Variants in SCAPER observed in about 807,000 individuals in gnomAD.
SCAPER encodes S phase cyclin A-associated protein in the endoplasmic reticulum.
A neutral mutation model predicts 182.2 loss-of-function variants in SCAPER; 98 were observed. The observed-to-expected ratio is 0.54, with a 90% CI of 0.46 to 0.64. SCAPER has a LOEUF of 0.64. SCAPER is among the 30% of genes least tolerant of loss of function. SCAPER has a pLI of 0.00. For synonymous variants in SCAPER, 605 were observed against 564.6 expected, an observed-to-expected ratio of 1.07 and a Z score of -1.01; for missense variants, 1,432 against 1,690.0, an observed-to-expected ratio of 0.85 and a Z score of 2.68.
rs111825602 is a variant in SCAPER, at chr15:76,399,038, AC to A, written c.3467+5485del. Among the ~76,000 whole-genome samples, 352 of 152,346 alleles carry A rather than the reference AC, an allele frequency of 2.3e-3. 4 individuals carry two copies. The highest frequency in any genetic ancestry group is 7.8e-3 in the African/African-American group (324 of 41,584). ...GGGACCCAATGAGCCTCAACCAATT[AC>A]AGCAATTGAGCTCCTGCCCTGAGAT... is the stretch of plus-strand genomic sequence containing the variant. On this transcript the variant is annotated intron_variant, in intron 27 of 31. Transcript: ENST00000563290.
chr15:76,414,457 C>A (rs1212515639), intron 26 of SCAPER, among the ~76,000 whole-genome samples: 1 of 151,602 alleles, frequency 6.6e-6, no homozygotes, highest in Non-Finnish European at 1.5e-5. Flanking sequence ...ATCTTGAATG[C>A]AGCTGGAGGA....
chr15:76,626,351 G>A (rs1032971314), intron 21 of SCAPER, among the ~76,000 whole-genome samples: 1 of 152,076 alleles, frequency 6.6e-6, no homozygotes, highest in African/African-American at 2.4e-5. Flanking sequence ...ATACAAAGAG[G>A]TATATACATA....
At chr15:76,734,048 TAC>T (rs1238485320) in intron 15 of SCAPER, among the ~76,000 whole-genome samples, 1 of 152,200 alleles carries the variant, frequency 6.6e-6, no homozygotes. Context: ...CTATACAAAT[TAC>T]ACAAACATTG....
intron 4 of SCAPER, chr15:76,855,863 G>A (rs915394753): frequency 2.0e-5 from 9 of 440,072 alleles, no homozygotes; most frequent in South Asian, 8.1e-5. Context: ...GAAGTATGGC[G>A]ATTCCTCAAA....
At chr15:76,666,916 A>G (rs780345149) in intron 20 of SCAPER, among the ~76,000 whole-genome samples, 2 of 152,148 alleles carry the variant, frequency 1.3e-5, no homozygotes, top group Non-Finnish European at 2.9e-5. Context: ...TCCTCCAAAT[A>G]TAAACTGGAT....
intron 23 of SCAPER, among the ~76,000 whole-genome samples, chr15:76,565,826 T>G (rs895873140): frequency 6.6e-6 from 1 of 152,178 alleles, no homozygotes; most frequent in African/African-American, 2.4e-5. Context: ...GAAAAACGTC[T>G]GAAAAACATC....
intron 21 of SCAPER, among the ~76,000 whole-genome samples, chr15:76,628,104 G>A (rs1477124608): frequency 1.3e-5 from 2 of 152,166 alleles, no homozygotes; most frequent in East Asian, 3.8e-4. Context: ...AGAAGTGTCT[G>A]TTCATGTCCT....
chr15:76,765,490 A>G, intron 12 of SCAPER, 36 bp from the exon 13 acceptor site: 1 of 1,609,952 alleles, frequency 6.2e-7, no homozygotes, highest in Non-Finnish European at 8.5e-7. Flanking sequence ...GTTTAGCCAC[A>G]TAGGTCTATA....
intron 27 of SCAPER, among the ~76,000 whole-genome samples, chr15:76,399,100 A>C (rs2044277364): frequency 6.6e-6 from 1 of 152,192 alleles, no homozygotes; most frequent in Non-Finnish European, 1.5e-5. Context: ...TTGTAGGACC[A>C]AGAATAGAAA....
At chr15:76,355,723 C>T (rs772368394) in intron 29 of SCAPER, among the ~76,000 whole-genome samples, 10 of 152,206 alleles carry the variant, frequency 6.6e-5, no homozygotes, top group Admixed American at 1.3e-4. Context: ...CAGCACAGAA[C>T]ATGAAGAGCT....
At position 76,407,190 on chromosome 15, in the gene SCAPER, T is replaced by C. The variant is rs75760364; in HGVS notation, c.3312-2511A>G. 9.5e-3 allele frequency among the ~76,000 whole-genome samples: 1,440 copies of C among 152,288 alleles called. 21 individuals are homozygous for C. Among genetic ancestry groups the C allele is most frequent in the African/African-American group, 0.033 (1,362 of 41,556 alleles). ...TAGAGTGTACTTACACAAACTTAGATAGTATAGCCTAACCTAGGCTATATG... is the reference window on the plus strand; with the variant it reads ...TAGAGTGTACTTACACAAACTTAGACAGTATAGCCTAACCTAGGCTATATG... On this transcript the variant is annotated intron_variant, in intron 26 of 31. Transcript: ENST00000563290.
At chr15:76,758,667 C>G (rs865816584) in intron 14 of SCAPER, among the ~76,000 whole-genome samples, 13 of 152,114 alleles carry the variant, frequency 8.5e-5, no homozygotes, top group African/African-American at 2.7e-4. Flanking sequence ...AATTGTAGAT[C>G]ACTTAAGGCT....
Position 76,418,195 on chromosome 15 carries a change from C to T in SCAPER, c.3312-13516G>A, listed in dbSNP as rs147588770. ...AGTACATTGGATAATACTAGAGGGG[C>T]AGCAAAATCCCTGTGGAACATTAAA... On this transcript the variant is annotated intron_variant, in intron 26 of 31. Coordinates refer to ENST00000563290, the MANE Select transcript of SCAPER (RefSeq NM_020843.4). Among the ~76,000 whole-genome samples the T allele has an allele frequency of 2.0e-3, 310 of 152,222 alleles. 4 individuals are homozygous for T. The highest frequency in any genetic ancestry group is 1.0e-4 in the Non-Finnish European group (7 of 68,020).
intron 23 of SCAPER, among the ~76,000 whole-genome samples, chr15:76,539,969 C>T (rs934210747): frequency 6.6e-6 from 1 of 152,116 alleles, no homozygotes. Flanking sequence ...GAAAACAATT[C>T]AAACAAATGT....
In SCAPER at chr15:76,857,671, T is replaced by C. The variant is rs62029235; in HGVS notation, c.195+138A>G. On this transcript the variant is annotated intron_variant, in intron 4 of 31. Transcript: ENST00000563290. ...AGTCACACTGATTACCATATACACA[T>C]TTGTTTTTAAAAAGTACATTAAATT... 0.067 allele frequency: 40,092 copies of C among 600,990 alleles called. 1,524 individuals carry two copies. The highest frequency in any genetic ancestry group is 0.11 in the Middle Eastern group (245 of 2,178). 37.2% of individuals were successfully genotyped at this position (600,990 alleles called of 1,614,324 possible). A position where few individuals can be genotyped will look rare whatever the true frequency, so the allele number is the denominator to read the frequency against.
intron 21 of SCAPER, among the ~76,000 whole-genome samples, chr15:76,634,488 T>C (rs67281773): frequency 0.08 from 12,225 of 152,236 alleles, 703 homozygotes; most frequent in Non-Finnish European, 0.12. Flanking sequence ...AAGAGGCTAT[T>C]GGAATTTTGA....
chr15:76,882,910 C>T (rs910298090), intron 2 of SCAPER, among the ~76,000 whole-genome samples: 3 of 152,162 alleles, frequency 2.0e-5, no homozygotes, highest in Admixed American at 1.3e-4. Context: ...GTGATCCGCC[C>T]GTCTAGGCCT....
At chr15:76,715,549 C>A (rs947316815) in intron 17 of SCAPER, among the ~76,000 whole-genome samples, 1 of 152,068 alleles carries the variant, frequency 6.6e-6, no homozygotes, top group Admixed American at 6.6e-5. Context: ...GCCCAAGATA[C>A]AGCTGTATCT....
intron 24 of SCAPER, among the ~76,000 whole-genome samples, chr15:76,497,988 T>TAAAA (rs2040722041): frequency 3.1e-4 from 1 of 3,224 alleles, no homozygotes; most frequent in East Asian, 0.019. Context: ...AGACTCCGTC[T>TAAAA]CAAAAAAAAA....
Sources: gnomAD v4.1 joint callset for allele counts (sites outside exome capture counted in the v4.1 genomes callset) on GRCh38, gnomAD v4.1.1 for gene constraint, MANE v1.5 for transcripts, NCBI Gene and HGNC (gene_info 2026-07-23, HGNC 2026-07-21) for gene names.